C14orf39: variants seen among roughly 807,000 people sequenced by gnomAD.
C14orf39 encodes the protein protein SIX6OS1.
Under a neutral mutation model 85.6 loss-of-function variants are expected in C14orf39, and 66 were observed. The observed-to-expected ratio is 0.77, with a 90% CI of 0.63 to 0.95. The LOEUF is 0.95. Among genes scored for constraint, C14orf39 ranks in the 40% least tolerant of loss-of-function variants. The pLI, the probability that C14orf39 is intolerant of heterozygous loss-of-function variation, is 0.00. For missense variants in C14orf39, 735 were observed against 663.9 expected, an observed-to-expected ratio of 1.11 and a Z score of -1.18; for synonymous variants, 242 against 214.0, an observed-to-expected ratio of 1.13 and a Z score of -1.14.
At chr14:60,467,144 G>T in intron 9 of C14orf39, 100 bp from the exon 10 acceptor site, 1 of 491,654 alleles carries the variant, frequency 2.0e-6, no homozygotes, top group Non-Finnish European at 3.1e-6. Context: ...AAAACCCCTC[G>T]TTTTGCAGAT....
chr14:60,452,938 T>G (rs1891104915), intron 16 of C14orf39, among the ~76,000 whole-genome samples: 1 of 152,154 alleles, frequency 6.6e-6, no homozygotes. Context: ...CTGATTTCAA[T>G]CCTTTTAAAT....
At chr14:60,514,178 G>C (rs147514747) in intron 1 of C14orf39, among the ~76,000 whole-genome samples, 38 of 152,144 alleles carry the variant, frequency 2.5e-4, no homozygotes, top group African/African-American at 8.4e-4. Flanking sequence ...ACATTTAAAG[G>C]GTTTCTTTTT....
chr14:60,454,223 A>G (rs761797678), intron 16 of C14orf39, among the ~76,000 whole-genome samples: 30 of 151,942 alleles, frequency 2.0e-4, no homozygotes, highest in Non-Finnish European at 3.8e-4. Flanking sequence ...AAAATATTCT[A>G]ATCCACATAA....
intron 17 of C14orf39, among the ~76,000 whole-genome samples, chr14:60,437,725 G>A (rs1389659519): frequency 6.6e-6 from 1 of 151,974 alleles, no homozygotes; most frequent in African/African-American, 2.4e-5. Flanking sequence ...AGGAAAAAAT[G>A]CTGAATCTAA....
upstream of C14orf39, among the ~76,000 whole-genome samples, chr14:60,488,211 A>G (rs899478882): frequency 6.6e-6 from 1 of 152,184 alleles, no homozygotes; most frequent in African/African-American, 2.4e-5. Flanking sequence ...ATCTAGAAAC[A>G]CCACCTTACT....
Position 60,472,227 on chromosome 14 carries a change from T to C in C14orf39, c.324-488A>G, listed in dbSNP as rs1247796409. Among the ~76,000 whole-genome samples, 25 of 58,716 alleles carry C rather than the reference T, an allele frequency of 4.3e-4. No individual in the cohort carries two copies. The Admixed American group carries it at 4.7e-3, about 11-fold the overall frequency. 38.5% of individuals were successfully genotyped at this position (58,716 alleles called of 152,430 possible). ...AAAATTATCACATGAAGTCATGTTC[T>C]ATGTATTAGAACTCTTGTGTTCACC... On this transcript the variant is annotated intron_variant, in intron 5 of 17. Coordinates refer to ENST00000321731, the MANE Select transcript of C14orf39 (RefSeq NM_174978.3).
chr14:60,510,082 G>A, intron 1 of C14orf39: 1 of 983,434 alleles, frequency 1.0e-6, no homozygotes, highest in Non-Finnish European at 1.6e-6. Flanking sequence ...GGAGTTGGGA[G>A]CGCGGTCTGT....
At chr14:60,469,953 T>G (rs1321828551) in intron 7 of C14orf39, among the ~76,000 whole-genome samples, 1 of 150,880 alleles carries the variant, frequency 6.6e-6, no homozygotes, top group Non-Finnish European at 1.5e-5. Context: ...TTTTTTGCTT[T>G]TTAAATCAAA....
chr14:60,471,809 A>G, intron 5 of C14orf39, 70 bp from the exon 6 acceptor site: 6 of 849,300 alleles, frequency 7.1e-6, no homozygotes, highest in Non-Finnish European at 1.1e-5. Flanking sequence ...ATACACTGTT[A>G]AAGTCTACTA....
chr14:60,494,978 G>C (rs1188434867), intron 2 of C14orf39: 1 of 159,994 alleles, frequency 6.3e-6, no homozygotes, highest in Non-Finnish European at 1.4e-5. Context: ...AAATCACCAA[G>C]ATTCTCCAGC....
chr14:60,492,581 C>T (rs1296538394), intron 2 of C14orf39, among the ~76,000 whole-genome samples: 1 of 148,516 alleles, frequency 6.7e-6, no homozygotes, highest in East Asian at 2.0e-4. Context: ...GCCTGGGCAA[C>T]ATGGCGAAAC....
At chr14:60,462,787 T>TTTTA (rs1202144333) in intron 11 of C14orf39, among the ~76,000 whole-genome samples, 1 of 152,006 alleles carries the variant, frequency 6.6e-6, no homozygotes, top group South Asian at 2.1e-4. Context: ...CAAGGTCTTA[T>TTTTA]TTTATTTATT....
intron 5 of C14orf39, among the ~76,000 whole-genome samples, chr14:60,475,317 T>A (rs1424972267): frequency 2.0e-5 from 3 of 152,102 alleles, no homozygotes; most frequent in African/African-American, 7.2e-5. Context: ...GCTGGCGGTC[T>A]ATCAATTTTA....
chr14:60,466,775 T>C (rs1891808436), intron 10 of C14orf39, 142 bp downstream of exon 10: 4 of 475,076 alleles, frequency 8.4e-6, no homozygotes, highest in Non-Finnish European at 6.5e-6. Context: ...CTCAGAAAGA[T>C]TCAAAGCAGT....
intron 16 of C14orf39, among the ~76,000 whole-genome samples, chr14:60,444,888 C>A (rs1595442003): frequency 6.6e-6 from 1 of 152,178 alleles, no homozygotes; most frequent in Non-Finnish European, 1.5e-5. Context: ...ACCCTACAAG[C>A]CAGAAGAGAG....
intron 16 of C14orf39, among the ~76,000 whole-genome samples, chr14:60,451,119 A>G (rs921431528): frequency 2.0e-5 from 3 of 152,272 alleles, no homozygotes; most frequent in Non-Finnish European, 4.4e-5. Flanking sequence ...AACTAGAAAA[A>G]TCACCAGGGA....
intron 5 of C14orf39, among the ~76,000 whole-genome samples, chr14:60,477,621 G>T (rs1293736396): frequency 6.6e-6 from 1 of 152,116 alleles, no homozygotes; most frequent in Non-Finnish European, 1.5e-5. Flanking sequence ...AAAAACAGAA[G>T]TTTGATATAA....
rs1170831337 is a variant in C14orf39 at position 60,515,071 on chromosome 14, A to AG, written c.-144+323dup. 6.6e-6 allele frequency: 1 copy of AG among 152,328 alleles called. No homozygotes were observed. Among genetic ancestry groups the AG allele is most frequent in the African/African-American group, 2.4e-5 (1 of 41,400 alleles). 9.4% of individuals were successfully genotyped at this position (152,328 alleles called of 1,614,324 possible). A position where few individuals can be genotyped will look rare whatever the true frequency, so the allele number is the denominator to read the frequency against. On this transcript the variant is annotated intron_variant, in intron 1 of 5. Transcript: ENST00000556799. This position sits in a 1 kb window ranked among gnomAD's most constrained non-coding sequence, Gnocchi z 6.2. ...GGGAGGAGGCGGCGGCGAGGGGAGA[A>AG]GGGGTCATTGTCCGCGCGCTGGCCC...
intron 9 of C14orf39, among the ~76,000 whole-genome samples, chr14:60,467,479 GT>G (rs1891852086): frequency 6.6e-6 from 1 of 151,746 alleles, no homozygotes; most frequent in South Asian, 2.1e-4. Context: ...GGTCTTTTAA[GT>G]TTTTTACTGA....
Sources: allele counts gnomAD v4.1 joint callset (sites outside exome capture counted in the v4.1 genomes callset), GRCh38; gene constraint gnomAD v4.1.1; non-coding constraint Gnocchi (gnomAD v3.1); transcripts MANE v1.5; gene names NCBI Gene and HGNC (gene_info 2026-07-23, HGNC 2026-07-21).